The following KLHL1 variants were observed in gnomAD, a reference collection of about 807,000 sequenced individuals.
The protein encoded by KLHL1 is kelch like family member 1.
Under a neutral mutation model 77.7 loss-of-function variants are expected in KLHL1, and 47 were observed. The ratio of observed to expected loss-of-function variants is 0.60; its 90% CI spans 0.48 to 0.77. The LOEUF is 0.77. Among genes scored for constraint, KLHL1 ranks in the 30% least tolerant of loss-of-function variants. The pLI, the probability that KLHL1 is intolerant of heterozygous loss-of-function variation, is 0.00. For missense variants in KLHL1, 925 were observed against 910.8 expected, an observed-to-expected ratio of 1.02 and a Z score of -0.20; for synonymous variants, 360 against 325.2, an observed-to-expected ratio of 1.11 and a Z score of -1.15.
At chr13:69,914,081 C>G (rs2210446) in intron 4 of KLHL1, among the ~76,000 whole-genome samples, 89,773 of 151,862 alleles carry the variant, frequency 0.59, 26,522 homozygotes, top group South Asian at 0.66. Flanking sequence ...TCGAACATGG[C>G]ACTCCAACTT....
At chr13:69,783,573 T>A (rs1159708951) in intron 7 of KLHL1, among the ~76,000 whole-genome samples, 1 of 151,518 alleles carries the variant, frequency 6.6e-6, no homozygotes, top group East Asian at 1.9e-4. Flanking sequence ...AGAAAGGGTA[T>A]CAGTGATGGA....
chr13:69,702,199 T>C (rs1402758315), intron 10 of KLHL1, among the ~76,000 whole-genome samples: 1 of 151,722 alleles, frequency 6.6e-6, no homozygotes. Context: ...AATGTGTTAT[T>C]CATTCACTCT....
chr13:70,081,681 G>A (rs1233818292), intron 1 of KLHL1, among the ~76,000 whole-genome samples: 3 of 152,138 alleles, frequency 2.0e-5, no homozygotes, highest in African/African-American at 4.8e-5. Context: ...AGTTTAAACA[G>A]GAATTTCCAT....
At chr13:69,811,637 G>A (rs1877884693) in intron 6 of KLHL1, among the ~76,000 whole-genome samples, 1 of 151,470 alleles carries the variant, frequency 6.6e-6, no homozygotes, top group Admixed American at 6.6e-5. Context: ...GAGCAGTTAG[G>A]CAAGTTACAG....
intron 4 of KLHL1, among the ~76,000 whole-genome samples, chr13:69,902,916 T>TA (rs1226068151): frequency 6.6e-6 from 1 of 152,054 alleles, no homozygotes; most frequent in Non-Finnish European, 1.5e-5. Flanking sequence ...AAAAAATAAA[T>TA]AAATAGATAA....
intron 4 of KLHL1, among the ~76,000 whole-genome samples, chr13:69,927,700 A>C (rs1475660301): frequency 1.3e-5 from 2 of 152,174 alleles, no homozygotes; most frequent in African/African-American, 2.4e-5. Context: ...AAAACCACGA[A>C]ATACTATTTT....
At chr13:69,712,564 A>G (rs959531527) in intron 9 of KLHL1, among the ~76,000 whole-genome samples, 1 of 151,990 alleles carries the variant, frequency 6.6e-6, no homozygotes, top group African/African-American at 2.4e-5. Flanking sequence ...TGTTACTACA[A>G]TGTCTAGTTA....
At chr13:70,025,291 A>G (rs1449303260) in intron 1 of KLHL1, among the ~76,000 whole-genome samples, 1 of 152,036 alleles carries the variant, frequency 6.6e-6, no homozygotes, top group East Asian at 1.9e-4. Flanking sequence ...TGTCTACTTA[A>G]CCAAAACATA....
At chr13:70,069,524 T>C (rs1887091025) in intron 1 of KLHL1, among the ~76,000 whole-genome samples, 1 of 152,106 alleles carries the variant, frequency 6.6e-6, no homozygotes, top group Non-Finnish European at 1.5e-5. Flanking sequence ...GACTCAGATA[T>C]GGCAGAGAAT....
intron 7 of KLHL1, among the ~76,000 whole-genome samples, chr13:69,767,386 C>A (rs1875358376): frequency 1.3e-5 from 2 of 151,950 alleles, no homozygotes; most frequent in Non-Finnish European, 2.9e-5. Context: ...TTTTTAGCAA[C>A]CTCTCTTCTC....
At chr13:69,997,376 T>C (rs1450615468) in intron 1 of KLHL1, among the ~76,000 whole-genome samples, 2 of 148,372 alleles carry the variant, frequency 1.3e-5, no homozygotes, top group Non-Finnish European at 3.0e-5. Context: ...ATTTGGTAAC[T>C]ATAGGTACGA....
intron 1 of KLHL1, among the ~76,000 whole-genome samples, chr13:69,985,082 A>G (rs1336035843): frequency 6.6e-6 from 1 of 152,162 alleles, no homozygotes. Context: ...ACTGCACTAC[A>G]GACTGGATGA....
intron 10 of KLHL1, among the ~76,000 whole-genome samples, chr13:69,705,310 T>C (rs557827717): frequency 6.6e-6 from 1 of 151,860 alleles, no homozygotes; most frequent in South Asian, 2.1e-4. Flanking sequence ...CGTGTATCTA[T>C]ACATATGGTG....
chr13:69,954,535 CAA>C (rs1397988827), intron 3 of KLHL1, among the ~76,000 whole-genome samples: 2 of 151,146 alleles, frequency 1.3e-5, no homozygotes, highest in African/African-American at 4.8e-5. Flanking sequence ...TTATGGGACT[CAA>C]GAGATTTTTC....
intron 7 of KLHL1, among the ~76,000 whole-genome samples, chr13:69,779,019 C>T (rs1875984759): frequency 6.6e-6 from 1 of 151,924 alleles, no homozygotes; most frequent in South Asian, 2.1e-4. Flanking sequence ...AGGATGGTCT[C>T]CATCTCCTGA....
At position 70,107,464 on chromosome 13, in the gene KLHL1, G is replaced by T. The variant is rs1400690972; in HGVS notation, c.236C>A (p.Ser79Ter). ...AGAGGAGGAAGAGGACGGGGAGGAC[G>T]ATGAAGAGGAAGAGGAGGAAGGCTT... The part of the protein sequence containing the change: ...WKKPSSSSSS[S>*]SSPSSSSSSF... Residue 79 changes from serine to a stop codon, truncating the protein, a stop_gained, in exon 1 of 11, where the codon TCG becomes TAG. Coordinates refer to ENST00000377844, the MANE Select transcript of KLHL1 (RefSeq NM_020866.3). LOFTEE classifies it high-confidence loss of function. 12 of 1,613,982 alleles carry T rather than the reference G, an allele frequency of 7.4e-6. No individual in the cohort carries two copies. In the Admixed American group the frequency reaches 1.2e-4, roughly 16 times the overall value.
At chr13:70,007,488 T>G (rs1034766825) in intron 1 of KLHL1, among the ~76,000 whole-genome samples, 1 of 151,696 alleles carries the variant, frequency 6.6e-6, no homozygotes, top group Admixed American at 6.6e-5. Context: ...AAATTCAAAC[T>G]TTGAGTTCCT....
intron 3 of KLHL1, among the ~76,000 whole-genome samples, chr13:69,950,531 T>G (rs942211774): frequency 3.3e-5 from 5 of 151,558 alleles, no homozygotes; most frequent in African/African-American, 1.2e-4. Context: ...TAAAACAGCA[T>G]GTCATGCAAC....
intron 5 of KLHL1, among the ~76,000 whole-genome samples, chr13:69,842,235 A>G (rs540971602): frequency 1.3e-5 from 2 of 151,950 alleles, no homozygotes; most frequent in East Asian, 3.9e-4. Flanking sequence ...ACAAAGGAAA[A>G]AAATCAACAA....
Sources: allele counts gnomAD v4.1 joint callset (sites outside exome capture counted in the v4.1 genomes callset), GRCh38; gene constraint gnomAD v4.1.1; transcripts MANE v1.5; gene names NCBI Gene and HGNC (gene_info 2026-07-23, HGNC 2026-07-21).